MTA3: variants seen among roughly 807,000 people sequenced by gnomAD.
MTA3 encodes the protein metastasis associated 1 family member 3.
A neutral mutation model predicts 83.5 loss-of-function variants in MTA3; 34 were observed. The ratio of observed to expected loss-of-function variants is 0.41; its 90% confidence interval spans 0.31 to 0.54. The LOEUF (loss-of-function observed/expected upper bound fraction) is 0.54, where lower values mean the gene tolerates loss of function less well. Among genes scored for constraint, MTA3 ranks in the 20% least tolerant of loss-of-function variants. The pLI, the probability that MTA3 is intolerant of heterozygous loss-of-function variation, is 0.33. For missense variants in MTA3, 761 were observed against 726.4 expected (o/e 1.05, Z -0.55); for synonymous variants, 303 against 252.7 (o/e 1.20, Z -1.89).
chr2:42,577,373 C>A (rs374054856), intron 2 of MTA3, among the ~76,000 whole-genome samples: 92 of 151,864 alleles, frequency 6.1e-4, no homozygotes, highest in Middle Eastern at 3.4e-3. Flanking sequence ...CTATGCTCCC[C>A]GCCCCCTAAG....
intron 16 of MTA3, among the ~76,000 whole-genome samples, chr2:42,729,874 G>A (rs1012511429): frequency 1.3e-5 from 2 of 152,152 alleles, no homozygotes; most frequent in African/African-American, 4.8e-5. Context: ...TCCATAGATT[G>A]CTTTGAGTTA....
At chr2:42,664,652 C>T (rs919878315) in intron 8 of MTA3, among the ~76,000 whole-genome samples, 1 of 151,778 alleles carries the variant, frequency 6.6e-6, no homozygotes, top group African/African-American at 2.4e-5. Flanking sequence ...CGACTAATTA[C>T]GGTCCTATTC....
At position 42,754,635 on chromosome 2, in the gene MTA3, A is replaced by G. The variant is rs1330854485; in HGVS notation, c.*1236A>G. 2.0e-6 allele frequency: 2 copies of G among 985,368 alleles called. No homozygotes were observed. Among genetic ancestry groups the G allele is most frequent in the African/African-American group, 3.5e-5 (2 of 57,232 alleles). 61.0% of individuals were successfully genotyped at this position (985,368 alleles called of 1,614,324 possible). The stretch of plus-strand genomic sequence containing the variant: ...ACTCCCCTGCCCTCTGTTTGCAGGC[A>G]CAGGGTCACAGTCCCAAGAAAGACA... On this transcript the variant is annotated 3_prime_UTR_variant, in exon 17 of 17. Transcript: ENST00000405094.
At chr2:42,675,557 G>C (rs1479456329) in intron 8 of MTA3, among the ~76,000 whole-genome samples, 1 of 152,100 alleles carries the variant, frequency 6.6e-6, no homozygotes, top group Non-Finnish European at 1.5e-5. Context: ...ACCACCACTA[G>C]ATGGTAAAGA....
intron 2 of MTA3, among the ~76,000 whole-genome samples, chr2:42,511,302 G>A (rs1674885017): frequency 6.6e-6 from 1 of 150,494 alleles, no homozygotes; most frequent in African/African-American, 2.4e-5. Context: ...TTCTTAACTG[G>A]AGATAAAATG....
At chr2:42,666,194 T>G (rs1395377465) in intron 8 of MTA3, among the ~76,000 whole-genome samples, 2 of 152,170 alleles carry the variant, frequency 1.3e-5, no homozygotes, top group Non-Finnish European at 2.9e-5. Context: ...GGAGAATCAC[T>G]TGAACCCGGG....
chr2:42,537,351 G>C (rs1386176444), intron 2 of MTA3, among the ~76,000 whole-genome samples: 1 of 152,096 alleles, frequency 6.6e-6, no homozygotes, highest in South Asian at 2.1e-4. Context: ...ATCACCTGAG[G>C]TCAGGGGTTC....
chr2:42,748,823 C>G (rs1268834343), intron 16 of MTA3, among the ~76,000 whole-genome samples: 1 of 152,162 alleles, frequency 6.6e-6, no homozygotes, highest in Non-Finnish European at 1.5e-5. Context: ...TTTTCCTTTG[C>G]AGAGTGGTAA....
chr2:42,705,872 T>A (rs1666036984), intron 12 of MTA3, among the ~76,000 whole-genome samples: 1 of 152,246 alleles, frequency 6.6e-6, no homozygotes. Context: ...GATAAAATGT[T>A]ATCTTAATAT....
At chr2:42,594,728 A>ATTTTTTTTTTTTTTTT (rs1211133796) in intron 3 of MTA3, among the ~76,000 whole-genome samples, 1 of 24,044 alleles carries the variant, frequency 4.2e-5, no homozygotes, top group African/African-American at 2.2e-4. Context: ...ATATATATAT[A>ATTTTTTTTTTTTTTTT]TTTTTTTTTT....
intron 4 of MTA3, among the ~76,000 whole-genome samples, chr2:42,628,314 T>C: frequency 6.6e-6 from 1 of 152,010 alleles, no homozygotes; most frequent in Non-Finnish European, 1.5e-5. Context: ...CACTGCAACC[T>C]CCACCTCCTG....
At chr2:42,606,776 C>T (rs1185619562) in intron 3 of MTA3, among the ~76,000 whole-genome samples, 1 of 151,522 alleles carries the variant, frequency 6.6e-6, no homozygotes, top group African/African-American at 2.4e-5. Context: ...CCACTGCACC[C>T]CAGCCTGGGC....
chr2:42,541,049 G>C (rs895472680), intron 2 of MTA3, among the ~76,000 whole-genome samples: 1 of 111,320 alleles, frequency 9.0e-6, no homozygotes, highest in Non-Finnish European at 1.9e-5. Context: ...TTTTTTTTTT[G>C]AGATGGAGTT....
intron 3 of MTA3, among the ~76,000 whole-genome samples, chr2:42,600,804 G>A (rs1204383509): frequency 6.6e-6 from 1 of 152,194 alleles, no homozygotes; most frequent in Admixed American, 6.5e-5. Flanking sequence ...GCCTCGCAAA[G>A]TTCTGGGATT....
At chr2:42,745,017 C>G (rs1669310468) in intron 16 of MTA3, among the ~76,000 whole-genome samples, 1 of 152,200 alleles carries the variant, frequency 6.6e-6, no homozygotes, top group Non-Finnish European at 1.5e-5. Context: ...GCCCTGCTCA[C>G]TGTTTATTTC....
chr2:42,701,958 C>T (rs944404878), intron 11 of MTA3, among the ~76,000 whole-genome samples: 29 of 151,510 alleles, frequency 1.9e-4, no homozygotes, highest in African/African-American at 6.5e-4. Context: ...CGCCTGTAAT[C>T]CCAGCACTTT....
At chr2:42,692,916 C>T (rs148512542) in intron 9 of MTA3, among the ~76,000 whole-genome samples, 30 of 152,290 alleles carry the variant, frequency 2.0e-4, no homozygotes, top group African/African-American at 5.8e-4. Flanking sequence ...TGTTTGTGTC[C>T]GTCCTTCTTG....
intron 16 of MTA3, among the ~76,000 whole-genome samples, chr2:42,743,701 T>C (rs1271836286): frequency 2.0e-5 from 3 of 152,204 alleles, no homozygotes; most frequent in Non-Finnish European, 4.4e-5. Flanking sequence ...GTGAAGATTG[T>C]CCTTCTGATG....
chr2:42,621,367 A>C (rs1407238478), intron 4 of MTA3, among the ~76,000 whole-genome samples: 1 of 152,182 alleles, frequency 6.6e-6, no homozygotes, highest in African/African-American at 2.4e-5. Flanking sequence ...CATCTGTTTA[A>C]CAAAGCACAT....
Sources: gnomAD v4.1 joint callset for allele counts (sites outside exome capture counted in the v4.1 genomes callset) on GRCh38, gnomAD v4.1.1 for gene constraint, MANE v1.5 for transcripts, NCBI Gene and HGNC (gene_info 2026-07-23, HGNC 2026-07-21) for gene names.